Variants in OR7E24 observed in about 807,000 individuals in gnomAD.
OR7E24 encodes the protein olfactory receptor family 7 subfamily E member 24.
For synonymous variants in OR7E24, 130 were observed against 157.5 expected, an observed-to-expected ratio of 0.83 and a Z score of 1.31; for missense variants, 385 against 410.3, an observed-to-expected ratio of 0.94 and a Z score of 0.53.
chr19:9,224,778 A>AAG, the OR7E24 span, among the ~76,000 whole-genome samples: 1 of 151,842 alleles, frequency 6.6e-6, no homozygotes, highest in African/African-American at 2.4e-5. Flanking sequence ...AAAAAAAAAA[A>AAG]AGAGAGAGAG....
At chr19:9,232,885 A>G in the OR7E24 span, among the ~76,000 whole-genome samples, 2 of 152,198 alleles carry the variant, frequency 1.3e-5, no homozygotes, top group Non-Finnish European at 2.9e-5. Context: ...AAAAATGATG[A>G]AAGAAAACAC....
At chr19:9,246,092 T>C (rs2066128870), upstream of OR7E24, among the ~76,000 whole-genome samples, 3 of 62,722 alleles carry the variant, frequency 4.8e-5, no homozygotes, top group South Asian at 1.6e-3. Flanking sequence ...TTTTTTTTTA[T>C]GGAGTCTTGC....
the OR7E24 span, among the ~76,000 whole-genome samples, chr19:9,220,823 T>A: frequency 6.6e-6 from 1 of 152,204 alleles, no homozygotes; most frequent in African/African-American, 2.4e-5. Flanking sequence ...TTTACATTCC[T>A]ACCAACAGTG....
the OR7E24 span, chr19:9,235,843 A>G: frequency 1.2e-6 from 2 of 1,611,148 alleles, no homozygotes; most frequent in Admixed American, 3.3e-5. Flanking sequence ...CACCGAGGGC[A>G]AGTACAAAGC....
chr19:9,224,065 T>C, the OR7E24 span, among the ~76,000 whole-genome samples: 1 of 152,168 alleles, frequency 6.6e-6, no homozygotes, highest in South Asian at 2.1e-4. Context: ...TTAGCCAGGA[T>C]GGTCTCGATC....
At chr19:9,212,490 G>A in the OR7E24 span, 1 of 152,058 alleles carries the variant, frequency 6.6e-6, no homozygotes, top group Non-Finnish European at 1.5e-5. Context: ...ATATCTTTAT[G>A]ATATAGAATA....
chr19:9,221,655 T>G, the OR7E24 span, among the ~76,000 whole-genome samples: 308 of 149,710 alleles, frequency 2.1e-3, 2 homozygotes, highest in African/African-American at 7.6e-3. Flanking sequence ...CAGGCTGTCT[T>G]TTGCCCATTT....
At chr19:9,211,905 T>A in the OR7E24 span, 2 of 149,692 alleles carry the variant, frequency 1.3e-5, no homozygotes, top group African/African-American at 5.0e-5. Flanking sequence ...TAAAAAAAAA[T>A]CTGATGTGGT....
chr19:9,233,755 T>C, the OR7E24 span, among the ~76,000 whole-genome samples: 1 of 152,214 alleles, frequency 6.6e-6, no homozygotes, highest in Non-Finnish European at 1.5e-5. Context: ...CTCACATTTA[T>C]GATATGGCCG....
chr19:9,248,500 G>A (rs1007937451), upstream of OR7E24, among the ~76,000 whole-genome samples: 1 of 151,988 alleles, frequency 6.6e-6, no homozygotes, highest in Non-Finnish European at 1.5e-5. Context: ...TCCCCCCCTC[G>A]AATCCGTGTC....
chr19:9,233,527 A>G, the OR7E24 span, among the ~76,000 whole-genome samples: 4 of 152,166 alleles, frequency 2.6e-5, no homozygotes, highest in East Asian at 1.9e-4. Flanking sequence ...TGTAGTCCAC[A>G]TGCTTTTTTC....
At chr19:9,231,930 T>C in the OR7E24 span, among the ~76,000 whole-genome samples, 213 of 152,324 alleles carry the variant, frequency 1.4e-3, 1 homozygote, top group African/African-American at 4.7e-3. Context: ...TCTCAATCTT[T>C]ATTACACATC....
At chr19:9,231,057 T>C in the OR7E24 span, among the ~76,000 whole-genome samples, 1 of 152,068 alleles carries the variant, frequency 6.6e-6, no homozygotes, top group African/African-American at 2.4e-5. Flanking sequence ...ATTACAGGCT[T>C]GCACCACCAT....
At chr19:9,231,630 G>A in the OR7E24 span, among the ~76,000 whole-genome samples, 64 of 152,242 alleles carry the variant, frequency 4.2e-4, no homozygotes, top group African/African-American at 1.5e-3. Context: ...CTCATGTCCT[G>A]AGAGTCTCTG....
chr19:9,250,911 GA>G, upstream of OR7E24: 2 of 655,918 alleles, frequency 3.0e-6, no homozygotes. Flanking sequence ...AATCAATTAT[GA>G]AGTAACTCTA....
At chr19:9,246,466 TTGTGTGTGTGTGTGTG>T (rs34518365), upstream of OR7E24, among the ~76,000 whole-genome samples, 21 of 131,064 alleles carry the variant, frequency 1.6e-4, no homozygotes, top group Admixed American at 2.3e-4. Context: ...CTTAAAGGTA[TTGTGTGTGTGTGTGTG>T]TGTGTGTGTG....
upstream of OR7E24, among the ~76,000 whole-genome samples, chr19:9,244,118 A>T (rs1490622160): frequency 1.3e-5 from 2 of 152,256 alleles, no homozygotes; most frequent in Admixed American, 6.5e-5. Flanking sequence ...TTTGATCAGG[A>T]GTACTAAGGC....
the OR7E24 span, among the ~76,000 whole-genome samples, chr19:9,215,235 A>G: frequency 0.013 from 1,891 of 150,378 alleles, 37 homozygotes; most frequent in African/African-American, 0.043. Flanking sequence ...CCCAGTTACT[A>G]AGGAGGCTGA....
the OR7E24 span, among the ~76,000 whole-genome samples, chr19:9,232,612 G>A: frequency 4.0e-5 from 6 of 149,932 alleles, no homozygotes; most frequent in Non-Finnish European, 8.8e-5. Context: ...AGTCCTTTGT[G>A]CCCTGTGTAA....
Sources: gnomAD v4.1 joint callset for allele counts (sites outside exome capture counted in the v4.1 genomes callset) on GRCh38, gnomAD v4.1.1 for gene constraint, MANE v1.5 for transcripts, NCBI Gene and HGNC (gene_info 2026-07-23, HGNC 2026-07-21) for gene names.